Variants in BAZ2A observed in about 807,000 individuals in gnomAD.
BAZ2A encodes bromodomain adjacent to zinc finger domain protein 2A.
BAZ2A carries 34 observed loss-of-function variants against 199.9 expected under a neutral mutation model. The ratio of observed to expected loss-of-function variants is 0.17; its 90% CI spans 0.13 to 0.23. The LOEUF is 0.23. BAZ2A is among the 10% of genes least tolerant of loss of function. The pLI is 1.00. For synonymous variants in BAZ2A, 857 were observed against 883.9 expected, an observed-to-expected ratio of 0.97 and a Z score of 0.54; for missense variants, 2,002 against 2,391.1, an observed-to-expected ratio of 0.84 and a Z score of 3.39.
chr12:56,611,281 T>A lies in BAZ2A; in HGVS notation c.1670+292A>T, dbSNP rs556799861. 6.2e-4 allele frequency: 309 copies of A among 500,288 alleles called. 2 individuals carry two copies. The highest frequency in any genetic ancestry group is 5.7e-3 in the African/African-American group (291 of 50,618). 31.0% of individuals were successfully genotyped at this position (500,288 alleles called of 1,614,324 possible). A position where few individuals can be genotyped will look rare whatever the true frequency, so the allele number is the denominator to read the frequency against. Reference sequence around the variant, plus strand: ...CACAGAAATAGGACAAGCCAGCTGGTTTGGATGTGAGCCCTAGGGTTTGGA... The same window carrying A: ...CACAGAAATAGGACAAGCCAGCTGGATTGGATGTGAGCCCTAGGGTTTGGA... On this transcript the variant is annotated intron_variant, in intron 7 of 28. Transcript: ENST00000549884.
intron 10 of BAZ2A, 127 bp downstream of exon 10, chr12:56,609,609 G>T: frequency 9.3e-7 from 1 of 1,074,042 alleles, no homozygotes; most frequent in Non-Finnish European, 1.4e-6. Flanking sequence ...AGGAGAAGCT[G>T]ATTCAGATTC....
chr12:56,630,448 C>T (rs910197895), upstream of BAZ2A: 3 of 253,484 alleles, frequency 1.2e-5, no homozygotes, highest in East Asian at 3.5e-4. Context: ...GTCCTAGCGC[C>T]GCTGTGCCTC....
chr12:56,608,165 G>A (rs1224777264), intron 10 of BAZ2A, among the ~76,000 whole-genome samples: 1 of 151,712 alleles, frequency 6.6e-6, no homozygotes, highest in African/African-American at 2.4e-5. Context: ...GAGGTCAGGA[G>A]ATCGAGACCA....
upstream of BAZ2A, among the ~76,000 whole-genome samples, chr12:56,637,565 G>T (rs376878881): frequency 6.6e-6 from 1 of 152,292 alleles, no homozygotes; most frequent in East Asian, 1.9e-4. Flanking sequence ...AGACATGAAG[G>T]CCTAACCAAG....
chr12:56,600,921 C>G, intron 22 of BAZ2A, 22 bp downstream of exon 22: 1 of 1,612,904 alleles, frequency 6.2e-7, no homozygotes, highest in Non-Finnish European at 8.5e-7. Flanking sequence ...TCAGCTCAAG[C>G]TGGGTGTAGG....
At chr12:56,630,417 A>C (rs1951275257), upstream of BAZ2A, 1 of 414,742 alleles carries the variant, frequency 2.4e-6, no homozygotes, top group South Asian at 1.0e-4. Context: ...CCGCCAGCCC[A>C]TCTTTCCGAC....
upstream of BAZ2A, among the ~76,000 whole-genome samples, chr12:56,633,457 G>A (rs1951366702): frequency 6.6e-6 from 1 of 152,168 alleles, no homozygotes; most frequent in Admixed American, 6.5e-5. Flanking sequence ...AAAGAGCATA[G>A]CTAGGGGCGC....
chr12:56,604,816 AT>A lies in BAZ2A; in HGVS notation c.2749-18del. The A allele has an allele frequency of 6.2e-7, 1 of 1,609,844 alleles. No individual in the cohort carries two copies. The highest frequency in any genetic ancestry group is 1.7e-4 in the Middle Eastern group (1 of 6,056). ...CTTTAGGGACTGTGTGGAGGACAGC[AT>A]AATGGGGGTGAGTAGGGAAAGATGC... is the stretch of plus-strand genomic sequence containing the variant. On this transcript the variant is annotated intron_variant, in intron 14 of 28. Coordinates refer to ENST00000549884, the MANE Select transcript of BAZ2A (RefSeq NM_001300905.2).
intron 7 of BAZ2A, chr12:56,611,324 C>T: frequency 1.8e-6 from 1 of 561,570 alleles, no homozygotes; most frequent in Non-Finnish European, 3.1e-6. Flanking sequence ...ATAGCTGGAG[C>T]TCCTTGGGCA....
upstream of BAZ2A, among the ~76,000 whole-genome samples, chr12:56,634,589 C>T (rs1446046497): frequency 1.3e-5 from 2 of 152,204 alleles, no homozygotes; most frequent in Non-Finnish European, 2.9e-5. Flanking sequence ...GGTATCCCCC[C>T]TCCCATTGGG....
intron 1 of BAZ2A, among the ~76,000 whole-genome samples, chr12:56,624,430 T>C (rs956973876): frequency 6.6e-6 from 1 of 152,216 alleles, no homozygotes; most frequent in Non-Finnish European, 1.5e-5. Flanking sequence ...ACAGCATCAG[T>C]TGGATATAAG....
chr12:56,620,947 G>A (rs1950902893), intron 1 of BAZ2A: 1 of 503,950 alleles, frequency 2.0e-6, no homozygotes, highest in Admixed American at 6.4e-5. Flanking sequence ...TCCTTCTTAA[G>A]TGCAAGAATT....
chr12:56,611,055 G>C (rs917733758), intron 7 of BAZ2A, among the ~76,000 whole-genome samples: 1 of 152,084 alleles, frequency 6.6e-6, no homozygotes, highest in Non-Finnish European at 1.5e-5. Context: ...ACTCAGACTT[G>C]GTGACCACAA....
rs1001596985 is a variant in BAZ2A at position 56,619,007 on chromosome 12, A to C, written c.-2-1475T>G. 4.6e-5 allele frequency among the ~76,000 whole-genome samples: 7 copies of C among 152,290 alleles called. No individual in the cohort carries two copies. The South Asian group carries it at 1.2e-3, about 27-fold the overall frequency. On this transcript the variant is annotated intron_variant, in intron 1 of 28. Coordinates refer to ENST00000549884, the MANE Select transcript of BAZ2A (RefSeq NM_001300905.2). ...GGCTAAGAGTTTAAGACCAAGCTGG[A>C]TAACATGGCGAGAACCGATCTCTAC... is the stretch of plus-strand genomic sequence containing the variant.
chr12:56,615,152 T>C lies in BAZ2A; in HGVS notation c.592A>G (p.Ile198Val), dbSNP rs552659497. The change falls in exon 3 of 29, where the codon ATT becomes GTT. Residue 198 changes from isoleucine (I) to valine (V), a missense_variant. Coordinates refer to ENST00000549884, the MANE Select transcript of BAZ2A (RefSeq NM_001300905.2). Reference sequence around the variant, plus strand: ...TCCTGGGAGGGTGCAAAGGTTTGAATGCTAGATCCCAACATAGGAGAAGTC... The same window carrying C: ...TCCTGGGAGGGTGCAAAGGTTTGAACGCTAGATCCCAACATAGGAGAAGTC... ...PQTSPMLGSS[I>V]QTFAPSQEVG... The C allele has an allele frequency of 1.7e-5, 28 of 1,613,676 alleles. No individual in the cohort carries two copies. The African/African-American group carries it at 3.3e-4, about 19-fold the overall frequency.
chr12:56,605,763 TC>T, intron 13 of BAZ2A, 66 bp downstream of exon 13: 1 of 1,416,744 alleles, frequency 7.1e-7, no homozygotes. Flanking sequence ...ATTGCAGAAG[TC>T]CTTTTTTTTT....
chr12:56,606,770 A>C (rs1565816311), intron 10 of BAZ2A, 37 bp from the exon 11 acceptor site: 3 of 1,567,592 alleles, frequency 1.9e-6, no homozygotes, highest in Non-Finnish European at 1.8e-6. Context: ...CAAGTGAGGC[A>C]GGAAGGCAGT....
chr12:56,600,708 C>T lies in BAZ2A; in HGVS notation c.4575G>A (p.Arg1525=). The change falls in exon 23 of 29, where the codon CGG becomes CGA. Residue 1525 remains arginine, a synonymous_variant. Coordinates refer to ENST00000549884, the MANE Select transcript of BAZ2A (RefSeq NM_001300905.2). ...VLQWVEELEQ[R]VIMSDLQIRG... is the part of the protein sequence containing the mutation. Reference sequence around the variant, plus strand: ...GAATCTGCAGATCAGACATGATAACCCGCTGCTCCAGCTCCTCTACCCATT... The same window carrying T: ...GAATCTGCAGATCAGACATGATAACTCGCTGCTCCAGCTCCTCTACCCATT... 1 of 1,613,376 alleles carries T rather than the reference C, an allele frequency of 6.2e-7. No individual in the cohort carries two copies. The highest frequency in any genetic ancestry group is 1.1e-5 in the South Asian group (1 of 91,030).
chr12:56,610,089 G>A (rs1254509649), intron 9 of BAZ2A, 25 bp downstream of exon 9: 2 of 1,610,466 alleles, frequency 1.2e-6, no homozygotes, highest in Non-Finnish European at 1.7e-6. Context: ...AGGGACAAAA[G>A]CATATTTAAC....
Sources: allele counts gnomAD v4.1 joint callset (sites outside exome capture counted in the v4.1 genomes callset), GRCh38; gene constraint gnomAD v4.1.1; transcripts MANE v1.5; gene names NCBI Gene and HGNC (gene_info 2026-07-23, HGNC 2026-07-21).